The following PHF20 variants were observed in gnomAD, a reference collection of about 807,000 sequenced individuals.
PHF20 encodes glioma-expressed antigen 2.
A neutral mutation model predicts 113.5 loss-of-function variants in PHF20; 23 were observed. The observed-to-expected ratio is 0.20, with a 90% CI of 0.15 to 0.29. The LOEUF is 0.29. Ranked by LOEUF, PHF20 falls within the 10% of genes least tolerant of loss-of-function variation. The pLI is 1.00. For missense variants in PHF20, 943 were observed against 1,219.6 expected, an observed-to-expected ratio of 0.77 and a Z score of 3.38; for synonymous variants, 434 against 457.3, an observed-to-expected ratio of 0.95 and a Z score of 0.65.
intron 9 of PHF20, among the ~76,000 whole-genome samples, chr20:35,873,378 G>A (rs867812590): frequency 6.6e-6 from 1 of 151,872 alleles, no homozygotes; most frequent in South Asian, 2.1e-4. Flanking sequence ...TAGGATTACA[G>A]GTGTGAGCCA....
At chr20:35,852,291 C>T (rs953922053) in intron 4 of PHF20, among the ~76,000 whole-genome samples, 2 of 152,112 alleles carry the variant, frequency 1.3e-5, no homozygotes, top group Non-Finnish European at 2.9e-5. Context: ...TGATAGAATG[C>T]GAGAGTGGAT....
rs34412788 is a variant in PHF20, at chr20:35,904,277, A to ATTT, written c.1561+4652_1561+4654dup. Among the ~76,000 whole-genome samples, 700 of 98,890 alleles carry ATTT rather than the reference A, an allele frequency of 7.1e-3. 17 individuals are homozygous for ATTT. The highest frequency in any genetic ancestry group is 0.018 in the African/African-American group (448 of 24,676). 64.9% of individuals were successfully genotyped at this position (98,890 alleles called of 152,430 possible). ...TACCCCCTTTATGCTGAATGCTCTG[A>ATTT]TTTTTTTTTTTTTTTTTTTTTTTTT... is the stretch of plus-strand genomic sequence containing the variant. On this transcript the variant is annotated intron_variant, in intron 10 of 17. Transcript: ENST00000374012.
intron 16 of PHF20, among the ~76,000 whole-genome samples, chr20:35,939,840 A>C (rs1302916978): frequency 2.6e-5 from 4 of 152,148 alleles, no homozygotes; most frequent in Admixed American, 2.6e-4. Flanking sequence ...ACATTGCTGC[A>C]TGGTGCCAAG....
chr20:35,892,629 C>G (rs1227232607), intron 9 of PHF20, among the ~76,000 whole-genome samples: 1 of 151,950 alleles, frequency 6.6e-6, no homozygotes, highest in African/African-American at 2.4e-5. Context: ...AGCTCTACTT[C>G]TGGAAGAATC....
rs143340219 is a variant in PHF20 at position 35,946,681 on chromosome 20, A to ATTTAT, written c.2897-782_2897-778dup. On this transcript the variant is annotated intron_variant, in intron 17 of 17. Coordinates refer to ENST00000374012, the MANE Select transcript of PHF20 (RefSeq NM_016436.5). ...ATTTTATTTTATTTTATTTTATTTT[A>ATTTAT]TTTATTTTATTTTATTTTATTTTAT... Among the ~76,000 whole-genome samples, 143 of 144,434 alleles carry ATTTAT rather than the reference A, an allele frequency of 9.9e-4. 1 individual carries two copies. Among genetic ancestry groups the ATTTAT allele is most frequent in the African/African-American group, 3.1e-3 (118 of 37,908 alleles). 94.8% of individuals were successfully genotyped at this position (144,434 alleles called of 152,430 possible).
In PHF20 at chr20:35,871,688, T is replaced by C. The variant is rs1424931557; in HGVS notation, c.1141T>C (p.Ser381Pro). 6.2e-7 allele frequency: 1 copy of C among 1,613,424 alleles called. No individual in the cohort carries two copies. Among genetic ancestry groups the C allele is most frequent in the East Asian group, 2.2e-5 (1 of 44,890 alleles). ...TGCTTTGGAAGCTGGCCAGGTCTCATCTGCACTGACTTGCCACTCCTTTGG... is the reference window on the plus strand; with the variant it reads ...TGCTTTGGAAGCTGGCCAGGTCTCACCTGCACTGACTTGCCACTCCTTTGG... ...KSALEAGQVS[S>P]ALTCHSFGDG... Residue 381 changes from serine to proline, a missense_variant, in exon 9 of 18, where the codon TCT becomes CCT. Around this residue, in one of 3 missense-constraint regions of PHF20, gnomAD observed 592 missense variants for 787.2 expected, o/e 0.75. Transcript: ENST00000374012.
chr20:35,856,511 A>C (rs1180680050), intron 4 of PHF20: 1 of 152,192 alleles, frequency 6.6e-6, no homozygotes, highest in African/African-American at 2.4e-5. Flanking sequence ...TTTGAGAAGC[A>C]CTGGTTTACT....
intron 13 of PHF20, among the ~76,000 whole-genome samples, chr20:35,924,192 C>CTTTTCT (rs1555802274): frequency 1.3e-4 from 17 of 129,910 alleles, no homozygotes; most frequent in African/African-American, 4.6e-4. Context: ...CTTTTCTTTT[C>CTTTTCT]TTTTTTTTTT....
At chr20:35,898,791 A>G (rs927612213) in intron 9 of PHF20, among the ~76,000 whole-genome samples, 3 of 152,284 alleles carry the variant, frequency 2.0e-5, no homozygotes, top group African/African-American at 7.2e-5. Flanking sequence ...TTGTATTTTT[A>G]GTAGAGACAG....
chr20:35,798,517 C>T (rs567964731), intron 1 of PHF20, among the ~76,000 whole-genome samples: 24 of 151,536 alleles, frequency 1.6e-4, no homozygotes, highest in Non-Finnish European at 2.8e-4. Context: ...TGTAATGGTG[C>T]GATCTTGGCT....
At chr20:35,800,713 G>A (rs1009316226) in intron 1 of PHF20, among the ~76,000 whole-genome samples, 3 of 152,144 alleles carry the variant, frequency 2.0e-5, no homozygotes, top group Non-Finnish European at 4.4e-5. Flanking sequence ...GGAGGATACG[G>A]TGAGCTGAGA....
In PHF20 at chr20:35,947,473, T is replaced by C; in HGVS notation, c.2897-12T>C. On this transcript the variant is annotated splice_polypyrimidine_tract_variant and intron_variant, in intron 17 of 17. Transcript: ENST00000374012. The stretch of plus-strand genomic sequence containing the variant: ...GAGTTCACTAGGTCTCATCTCTCTC[T>C]TCTGCCGACAGTGTTGGAGAGCTGG... 2 of 1,613,382 alleles carry C rather than the reference T, an allele frequency of 1.2e-6. No homozygotes were observed. Among genetic ancestry groups the C allele is most frequent in the South Asian group, 2.2e-5 (2 of 91,060 alleles).
intron 1 of PHF20, among the ~76,000 whole-genome samples, chr20:35,797,596 A>T (rs73283047): frequency 0.013 from 1,920 of 150,118 alleles, 27 homozygotes; most frequent in African/African-American, 0.044. Context: ...TATCATCTAG[A>T]TAATTCCTGC....
intron 6 of PHF20, among the ~76,000 whole-genome samples, chr20:35,869,046 G>A (rs1386971088): frequency 6.6e-6 from 1 of 151,814 alleles, no homozygotes; most frequent in Non-Finnish European, 1.5e-5. Context: ...AGCAGAGATC[G>A]CGGCACTGCA....
At chr20:35,920,797 C>T (rs1336479086) in intron 13 of PHF20, among the ~76,000 whole-genome samples, 2 of 152,118 alleles carry the variant, frequency 1.3e-5, no homozygotes, top group Admixed American at 6.6e-5. Flanking sequence ...TTTTGAATAG[C>T]CTTCATAGTA....
At chr20:35,811,577 G>A (rs538599258) in intron 2 of PHF20, among the ~76,000 whole-genome samples, 15 of 151,618 alleles carry the variant, frequency 9.9e-5, no homozygotes, top group African/African-American at 3.4e-4. Flanking sequence ...CAAGCAGCTC[G>A]GATTACATGC....
At chr20:35,795,769 T>G (rs148716579) in intron 1 of PHF20, among the ~76,000 whole-genome samples, 1 of 152,286 alleles carries the variant, frequency 6.6e-6, no homozygotes, top group Non-Finnish European at 1.5e-5. Flanking sequence ...AACTTTCTTT[T>G]TCCTCATCTT....
At chr20:35,929,879 C>T (rs2055717963) in intron 14 of PHF20, among the ~76,000 whole-genome samples, 1 of 152,200 alleles carries the variant, frequency 6.6e-6, no homozygotes, top group Non-Finnish European at 1.5e-5. Flanking sequence ...ATAGTTTTAA[C>T]AGAATCAAGG....
chr20:35,872,517 A>G (rs1284195651), intron 9 of PHF20, among the ~76,000 whole-genome samples: 1 of 152,194 alleles, frequency 6.6e-6, no homozygotes, highest in African/African-American at 2.4e-5. Flanking sequence ...AGCGAGACTC[A>G]GTCTAAATAA....
Sources: gnomAD v4.1 joint callset for allele counts (sites outside exome capture counted in the v4.1 genomes callset) on GRCh38, gnomAD v4.1.1 for gene constraint, gnomAD v4.1.1 regional missense constraint, MANE v1.5 for transcripts, NCBI Gene and HGNC (gene_info 2026-07-23, HGNC 2026-07-21) for gene names.